P2RX4: variants seen among roughly 807,000 people sequenced by gnomAD.
The protein encoded by P2RX4 is purinergic receptor P2X 4.
Under a neutral mutation model 48.0 loss-of-function variants are expected in P2RX4, and 37 were observed. The ratio of observed to expected loss-of-function variants is 0.77; its 90% CI spans 0.59 to 1.01. P2RX4 has a LOEUF of 1.01. P2RX4 is among the 50% of genes least tolerant of loss of function. The pLI is 0.00. For synonymous variants in P2RX4, 200 were observed against 199.7 expected (o/e 1.00, Z -0.01); for missense variants, 501 against 521.4 (o/e 0.96, Z 0.38).
chr12:121,230,605 C>T (rs1388008119), intron 8 of P2RX4, among the ~76,000 whole-genome samples: 1 of 152,182 alleles, frequency 6.6e-6, no homozygotes, highest in Non-Finnish European at 1.5e-5. Context: ...TGTGTTATTC[C>T]ATCTCTACTG....
chr12:121,233,650 CTGAT>C lies in P2RX4; in HGVS notation c.*105_*108del, dbSNP rs1014279401. 4.5e-5 allele frequency: 70 copies of C among 1,551,054 alleles called. No homozygotes were observed. The highest frequency in any genetic ancestry group is 1.7e-4 in the Middle Eastern group (1 of 6,010). On this transcript the variant is annotated 3_prime_UTR_variant, in exon 12 of 12. Transcript: ENST00000337233. The stretch of plus-strand genomic sequence containing the variant: ...ATCACCCCAGAGAAATTTCTGGAAT[CTGAT>C]TGAGTCTCCACTCCACAAGCACTCA...
chr12:121,221,937 A>G lies in P2RX4; in HGVS notation c.307A>G (p.Thr103Ala). The G allele has an allele frequency of 6.2e-7, 1 of 1,614,078 alleles. No individual in the cohort carries two copies. The highest frequency in any genetic ancestry group is 8.5e-7 in the Non-Finnish European group (1 of 1,180,002). ...GGAGGAAAACTCCCTCTTCGTCATGACCAACGTGATCCTCACCATGAACCA... is the reference window on the plus strand; with the variant it reads ...GGAGGAAAACTCCCTCTTCGTCATGGCCAACGTGATCCTCACCATGAACCA... The part of the protein sequence containing the change: ...AQEENSLFVM[T>A]NVILTMNQTQ... Residue 103 changes from threonine to alanine, a missense_variant, in exon 3 of 12, where the codon ACC becomes GCC. Transcript: ENST00000337233.
In P2RX4 at chr12:121,210,266, C is replaced by A. The variant is rs368099159; in HGVS notation, c.102C>A (p.Ala34=). Residue 34 remains alanine (A), a synonymous_variant, in exon 1 of 12, where the codon GCC becomes GCA. Transcript: ENST00000337233. ...GCAAAGTGGGGCTCATGAACCGCGCCGTGCAACTGCTCATCCTGGCCTACG... is the reference window on the plus strand; with the variant it reads ...GCAAAGTGGGGCTCATGAACCGCGCAGTGCAACTGCTCATCCTGGCCTACG... ...RSRKVGLMNR[A]VQLLILAYVI... 4 of 1,556,392 alleles carry A rather than the reference C, an allele frequency of 2.6e-6. No individual in the cohort carries two copies. The highest frequency in any genetic ancestry group is 2.3e-4 in the Middle Eastern group (1 of 4,298).
intron 1 of P2RX4, chr12:121,213,939 C>G (rs1886053623): frequency 6.6e-6 from 1 of 152,130 alleles, no homozygotes; most frequent in African/African-American, 2.4e-5. Context: ...GTAGCTCACG[C>G]CTGTAATCCC....
Position 121,221,998 on chromosome 12 carries a change from G to T in P2RX4, c.354+14G>T, listed in dbSNP as rs28360468. ...CTGTGCCCCGAGGTAGGAGGCCCCC[G>T]GGAAGAGCCCCAGGCCCCACACCCC... On this transcript the variant is annotated intron_variant, in intron 3 of 11. Transcript: ENST00000337233. The T allele has an allele frequency of 5.0e-6, 8 of 1,612,892 alleles. No homozygotes were observed. Among genetic ancestry groups the T allele is most frequent in the Non-Finnish European group, 6.8e-6 (8 of 1,178,858 alleles).
At chr12:121,216,917 C>T (rs11610379) in intron 1 of P2RX4, 19,989 of 705,020 alleles carry the variant, frequency 0.028, 373 homozygotes, top group Non-Finnish European at 0.036. Context: ...TTACCTGCAC[C>T]ATCTCATTTA....
chr12:121,229,902 C>T lies in P2RX4; in HGVS notation c.884+803C>T, dbSNP rs1157625792. Among the ~76,000 whole-genome samples, 1 of 152,164 alleles carries T rather than the reference C, an allele frequency of 6.6e-6. No individual in the cohort carries two copies. Among genetic ancestry groups the T allele is most frequent in the African/African-American group, 2.4e-5 (1 of 41,428 alleles). On this transcript the variant is annotated intron_variant, in intron 8 of 11. Coordinates refer to ENST00000337233, the MANE Select transcript of P2RX4 (RefSeq NM_002560.3). The surrounding 1 kb of genome is among the most constrained non-coding windows in gnomAD (Gnocchi z 4.6). ...GATATCAGTCACTGAATTTAGGGCCCACCCTACTCTAGTATGACCTCATCT... is the reference window on the plus strand; with the variant it reads ...GATATCAGTCACTGAATTTAGGGCCTACCCTACTCTAGTATGACCTCATCT...
chr12:121,221,683 G>A lies in P2RX4; in HGVS notation c.283-230G>A, dbSNP rs370753441. 3.7e-4 allele frequency among the ~76,000 whole-genome samples: 56 copies of A among 152,292 alleles called. No individual in the cohort carries two copies. In the East Asian group the frequency reaches 5.2e-3, roughly 14 times the overall value. On this transcript the variant is annotated intron_variant, in intron 2 of 11. Transcript: ENST00000337233. The stretch of plus-strand genomic sequence containing the variant: ...GCTGGGATTACAGGCTTGAGCCACC[G>A]CGCCCGACCTGTTTCCACCTTTTGG...
chr12:121,216,832 A>AG, intron 1 of P2RX4: 4 of 636,686 alleles, frequency 6.3e-6, no homozygotes, highest in South Asian at 3.5e-5. Context: ...AAAAAAAAAA[A>AG]AGAGAAAATG....
chr12:121,225,051 GTGCACTTATCATCAAAT>G (rs1375154649), intron 5 of P2RX4, among the ~76,000 whole-genome samples: 1 of 151,874 alleles, frequency 6.6e-6, no homozygotes, highest in Middle Eastern at 3.4e-3. Context: ...TCCATAGGAA[GTGCACTTATCATCAAAT>G]TGGATTTTTT....
At chr12:121,221,180 GTGTGTGTGTGTGTGTGTT>G (rs1566003189) in intron 2 of P2RX4, among the ~76,000 whole-genome samples, 2,782 of 144,512 alleles carry the variant, frequency 0.019, 107 homozygotes, top group African/African-American at 0.068. Context: ...GTGTGTGTGT[GTGTGTGTGTGTGTGTGTT>G]TTTAGTACAA....
intron 2 of P2RX4, among the ~76,000 whole-genome samples, chr12:121,219,875 ATAGAT>A (rs1886491001): frequency 1.3e-5 from 2 of 149,238 alleles, no homozygotes; most frequent in South Asian, 2.2e-4. Context: ...CAGATAATAG[ATAGAT>A]TAGATTAGAT....
chr12:121,225,441 C>T (rs943811888), intron 5 of P2RX4, among the ~76,000 whole-genome samples: 2 of 151,784 alleles, frequency 1.3e-5, no homozygotes, highest in African/African-American at 4.8e-5. Flanking sequence ...GATGGAGTCT[C>T]GCTCTGTCGC....
At chr12:121,212,816 ATATATATATT>A (rs1311599127) in intron 1 of P2RX4, 2 of 32,754 alleles carry the variant, frequency 6.1e-5, no homozygotes, top group African/African-American at 2.9e-4. Context: ...ATATATATAT[ATATATATATT>A]TTTTTTTTTT....
rs1887520443 is a variant in P2RX4 at position 121,233,626 on chromosome 12, T to C, written c.*77T>C. 2.3e-5 allele frequency: 36 copies of C among 1,563,232 alleles called. No individual in the cohort carries two copies. Among genetic ancestry groups the C allele is most frequent in the Non-Finnish European group, 3.0e-5 (35 of 1,152,766 alleles). On this transcript the variant is annotated 3_prime_UTR_variant, in exon 12 of 12. Transcript: ENST00000337233. ...GGAGGAGGGAGAAATGGCCACCACATCACCCCAGAGAAATTTCTGGAATCT... is the reference window on the plus strand; with the variant it reads ...GGAGGAGGGAGAAATGGCCACCACACCACCCCAGAGAAATTTCTGGAATCT...
intron 5 of P2RX4, among the ~76,000 whole-genome samples, chr12:121,226,747 G>A (rs113642375): frequency 0.01 from 1,582 of 152,138 alleles, 28 homozygotes; most frequent in African/African-American, 0.036. Context: ...TGGGTGTTAC[G>A]GTACAGGAAA....
chr12:121,216,846 A>G, intron 1 of P2RX4: 1 of 645,422 alleles, frequency 1.5e-6, no homozygotes. Context: ...GAAAATGCTC[A>G]AATGTAATAA....
chr12:121,222,364 G>GTT (rs58279823), intron 4 of P2RX4, 198 bp downstream of exon 4: 1,254 of 446,012 alleles, frequency 2.8e-3, no homozygotes, highest in Non-Finnish European at 3.6e-3. Flanking sequence ...TTGCCCTACT[G>GTT]TTTTTTTTTT....
Position 121,222,318 on chromosome 12 carries a change from C to T in P2RX4, c.427+152C>T, listed in dbSNP as rs1630178. 3,126 of 634,210 alleles carry T rather than the reference C, an allele frequency of 4.9e-3. 73 individuals carry two copies. In the African/African-American group the frequency reaches 0.05, roughly 10 times the overall value. The allele number at this position is 634,210 out of a possible 1,614,324, so 39.3% of individuals were successfully genotyped here. A position where few individuals can be genotyped will look rare whatever the true frequency, so the allele number is the denominator to read the frequency against. On this transcript the variant is annotated intron_variant, in intron 4 of 11. Transcript: ENST00000337233. ...GGGTCCTGGAGCCCCTCTACATTCA[C>T]TGCTGTCATTGGAGCCCCACAAGCC...
Sources: gnomAD v4.1 joint callset for allele counts (sites outside exome capture counted in the v4.1 genomes callset) on GRCh38, gnomAD v4.1.1 for gene constraint, Gnocchi (gnomAD v3.1) non-coding constraint, MANE v1.5 for transcripts, NCBI Gene and HGNC (gene_info 2026-07-23, HGNC 2026-07-21) for gene names.